Variants in CACNB2 observed in about 807,000 individuals in gnomAD.
CACNB2 encodes calcium voltage-gated channel auxiliary subunit beta 2, also known as voltage-dependent L-type calcium channel subunit beta-2.
In CACNB2, 42 loss-of-function variants were observed where a neutral mutation model predicts 73.3. The ratio of observed to expected loss-of-function variants is 0.57; its 90% CI spans 0.45 to 0.74. The LOEUF is 0.74. Ranked by LOEUF, CACNB2 falls within the 30% of genes least tolerant of loss-of-function variation. The probability of loss-of-function intolerance (pLI) is 0.00; values close to 1 mark genes in which losing one functional copy is unlikely to be tolerated. For missense variants in CACNB2, 940 were observed against 853.0 expected, an observed-to-expected ratio of 1.10 and a Z score of -1.27; for synonymous variants, 348 against 310.3, an observed-to-expected ratio of 1.12 and a Z score of -1.28.
intron 2 of CACNB2, among the ~76,000 whole-genome samples, chr10:18,152,798 GC>G (rs1257285816): frequency 6.8e-6 from 1 of 147,180 alleles, no homozygotes; most frequent in East Asian, 2.0e-4. Flanking sequence ...ATAATGCCAA[GC>G]CGCTTGTTGA....
intron 2 of CACNB2, among the ~76,000 whole-genome samples, chr10:18,290,106 CTTTT>C (rs2038998237): frequency 2.5e-5 from 1 of 40,094 alleles, no homozygotes; most frequent in Non-Finnish European, 5.8e-5. Context: ...TTTCTTTTTT[CTTTT>C]TCTTTTTTTT....
intron 1 of CACNB2, among the ~76,000 whole-genome samples, chr10:18,148,094 T>TAA (rs201324997): frequency 2.5e-4 from 34 of 136,256 alleles, no homozygotes; most frequent in Middle Eastern, 7.8e-3. Context: ...CTACAGTTTT[T>TAA]TAAAAAAAAA....
intron 2 of CACNB2, among the ~76,000 whole-genome samples, chr10:18,258,517 G>A (rs2037380721): frequency 6.6e-6 from 1 of 152,034 alleles, no homozygotes; most frequent in South Asian, 2.1e-4. Context: ...CACGAGGACT[G>A]GAGTTTAAGA....
intron 2 of CACNB2, among the ~76,000 whole-genome samples, chr10:18,372,748 T>G (rs17611161): frequency 0.049 from 7,521 of 152,240 alleles, 232 homozygotes; most frequent in African/African-American, 0.066. Context: ...CTTCCTCATT[T>G]ATGTGTCCTT....
intron 2 of CACNB2, among the ~76,000 whole-genome samples, chr10:18,325,452 C>A (rs1245718424): frequency 6.6e-6 from 1 of 152,084 alleles, no homozygotes; most frequent in Non-Finnish European, 1.5e-5. Flanking sequence ...GCCTTGGCCT[C>A]CCAAAGTTGC....
At chr10:18,290,311 G>A (rs182291883) in intron 2 of CACNB2, among the ~76,000 whole-genome samples, 19 of 151,838 alleles carry the variant, frequency 1.3e-4, no homozygotes, top group Admixed American at 1.0e-3. Flanking sequence ...ACAGGCATGA[G>A]CCACTGAGCC....
intron 3 of CACNB2, among the ~76,000 whole-genome samples, chr10:18,479,893 T>C (rs2048635370): frequency 6.6e-6 from 1 of 152,128 alleles, no homozygotes; most frequent in Non-Finnish European, 1.5e-5. Context: ...TAATACAGTA[T>C]ATGAGGTACA....
At chr10:18,271,221 T>C (rs181356151) in intron 2 of CACNB2, among the ~76,000 whole-genome samples, 1 of 152,334 alleles carries the variant, frequency 6.6e-6, no homozygotes, top group East Asian at 1.9e-4. Flanking sequence ...TGCAACTATG[T>C]AATCATTTCC....
intron 2 of CACNB2, among the ~76,000 whole-genome samples, chr10:18,248,806 C>T (rs1214621099): frequency 6.6e-6 from 1 of 152,198 alleles, no homozygotes; most frequent in Non-Finnish European, 1.5e-5. Flanking sequence ...TGGAGACAGA[C>T]TTTCTCAACT....
Position 18,146,306 on chromosome 10 carries a change from A to ATTT in CACNB2, c.121-4558_121-4556dup, listed in dbSNP as rs10714038. Among the ~76,000 whole-genome samples the ATTT allele has an allele frequency of 9.5e-3, 1,135 of 118,894 alleles. 39 individuals are homozygous for ATTT. The highest frequency in any genetic ancestry group is 0.035 in the African/African-American group (1,067 of 30,436). The allele number at this position is 118,894 out of a possible 152,430, so 78.0% of individuals were successfully genotyped here. On this transcript the variant is annotated intron_variant, in intron 1 of 13. Coordinates refer to ENST00000324631, the MANE Select transcript of CACNB2 (RefSeq NM_201596.3). ...TACGAACTGAGAGAGATGGAGACTAATTTTTTTTTTTTTTTTTTTTTGAGA... is the reference window on the plus strand; with the variant it reads ...TACGAACTGAGAGAGATGGAGACTAATTTTTTTTTTTTTTTTTTTTTTTTGAGA...
At chr10:18,366,031 A>G (rs1328459529) in intron 2 of CACNB2, among the ~76,000 whole-genome samples, 1 of 152,150 alleles carries the variant, frequency 6.6e-6, no homozygotes, top group African/African-American at 2.4e-5. Flanking sequence ...TAAACAAGAA[A>G]TAAGTCTTGC....
In CACNB2 at chr10:18,539,390, C is replaced by T. The variant is rs1274830928; in HGVS notation, c.1649C>T (p.Ser550Phe). ...NHRSGTSRGL[S>F]RQETFDSETQ... is the part of the protein sequence containing the mutation. ...CGCAGTGGGACAAGTCGCGGCCTCT[C>T]CAGGCAAGAGACATTTGACTCGGAA... The change falls in exon 14 of 14, where the codon TCC becomes TTC. Residue 550 changes from serine (S) to phenylalanine (F), a missense_variant. Physicochemically the swap from Ser to Phe is radical, Grantham distance 155. Coordinates refer to ENST00000324631, the MANE Select transcript of CACNB2 (RefSeq NM_201596.3). The T allele has an allele frequency of 4.3e-6, 7 of 1,614,132 alleles. No homozygotes were observed. Among genetic ancestry groups the T allele is most frequent in the Non-Finnish European group, 5.9e-6 (7 of 1,180,028 alleles).
intron 2 of CACNB2, among the ~76,000 whole-genome samples, chr10:18,182,899 C>A (rs1399220537): frequency 6.6e-6 from 1 of 151,806 alleles, no homozygotes; most frequent in Non-Finnish European, 1.5e-5. Context: ...GTCTTTTTAC[C>A]CAAATCCTTT....
At chr10:18,514,179 C>A (rs1279737831) in intron 6 of CACNB2, 57 bp from the exon 7 acceptor site, 3 of 1,581,098 alleles carry the variant, frequency 1.9e-6, no homozygotes, top group South Asian at 1.1e-5. Flanking sequence ...ATTTTATTTT[C>A]TTTATAACCT....
At chr10:18,298,736 C>T (rs535919585) in intron 2 of CACNB2, among the ~76,000 whole-genome samples, 5 of 152,292 alleles carry the variant, frequency 3.3e-5, no homozygotes, top group African/African-American at 1.2e-4. Flanking sequence ...GAAAACATGC[C>T]ACCTTCTTGT....
At chr10:18,477,005 G>A in intron 3 of CACNB2, among the ~76,000 whole-genome samples, 1 of 150,266 alleles carries the variant, frequency 6.7e-6, no homozygotes, top group East Asian at 2.0e-4. Context: ...GGGTGACAGA[G>A]TGAGATTGAA....
At chr10:18,370,304 G>GTT (rs111670086) in intron 2 of CACNB2, among the ~76,000 whole-genome samples, 6 of 151,766 alleles carry the variant, frequency 4.0e-5, no homozygotes, top group East Asian at 1.9e-4. Context: ...TTTTTCATTT[G>GTT]TTTTTTTGAG....
intron 2 of CACNB2, among the ~76,000 whole-genome samples, chr10:18,242,860 A>G (rs1404486731): frequency 6.6e-6 from 1 of 151,160 alleles, no homozygotes; most frequent in African/African-American, 2.4e-5. Context: ...ACAAAAAAAC[A>G]TTAGCCGGGC....
At chr10:18,440,267 A>G (rs2046348359) in intron 3 of CACNB2, among the ~76,000 whole-genome samples, 1 of 152,204 alleles carries the variant, frequency 6.6e-6, no homozygotes, top group Non-Finnish European at 1.5e-5. Context: ...CCTGCTGATA[A>G]CTATAGCCTT....
Sources: gnomAD v4.1 joint callset for allele counts (sites outside exome capture counted in the v4.1 genomes callset) on GRCh38, gnomAD v4.1.1 for gene constraint, MANE v1.5 for transcripts, NCBI Gene and HGNC (gene_info 2026-07-23, HGNC 2026-07-21) for gene names.